The following SDK1 variants were observed in gnomAD, a reference collection of about 807,000 sequenced individuals.
The protein encoded by SDK1 is sidekick cell adhesion molecule 1.
A neutral mutation model predicts 245.5 loss-of-function variants in SDK1; 157 were observed. The observed-to-expected ratio is 0.64, with a 90% confidence interval of 0.56 to 0.73. The LOEUF is 0.73. SDK1 is among the 30% of genes least tolerant of loss of function. The pLI, the probability that SDK1 is intolerant of heterozygous loss-of-function variation, is 0.00. For missense variants in SDK1, 3,583 were observed against 3,002.3 expected, an observed-to-expected ratio of 1.19 and a Z score of -4.52; for synonymous variants, 1,647 against 1,278.5, an observed-to-expected ratio of 1.29 and a Z score of -6.15.
intron 19 of SDK1, among the ~76,000 whole-genome samples, chr7:4,060,200 T>C (rs1779448184): frequency 6.6e-6 from 1 of 151,974 alleles, no homozygotes; most frequent in Non-Finnish European, 1.5e-5. Context: ...TTGAAACAAA[T>C]GAAAATTGAA....
intron 1 of SDK1, among the ~76,000 whole-genome samples, chr7:3,585,179 A>T (rs1470990275): frequency 6.6e-6 from 1 of 152,214 alleles, no homozygotes; most frequent in African/African-American, 2.4e-5. Flanking sequence ...CTGAGCAAAG[A>T]TAGACTCTGA....
chr7:3,965,597 C>T (rs189219221), intron 9 of SDK1, among the ~76,000 whole-genome samples: 81 of 152,222 alleles, frequency 5.3e-4, no homozygotes, highest in Non-Finnish European at 8.7e-4. Flanking sequence ...GCATCTGTGT[C>T]GGGCACTCTG....
chr7:4,264,619 C>T (rs1373888837), intron 44 of SDK1, among the ~76,000 whole-genome samples: 4 of 148,408 alleles, frequency 2.7e-5, no homozygotes, highest in African/African-American at 9.9e-5. Flanking sequence ...TGAGGGAAGC[C>T]GTGTGGACCT....
chr7:3,506,130 A>G (rs1427686883), intron 1 of SDK1, among the ~76,000 whole-genome samples: 1 of 151,972 alleles, frequency 6.6e-6, no homozygotes, highest in Admixed American at 6.6e-5. Context: ...CTCTTTGCCA[A>G]AAGAACTTCT....
chr7:3,910,364 C>T (rs1006463490), intron 5 of SDK1, among the ~76,000 whole-genome samples: 3 of 152,214 alleles, frequency 2.0e-5, no homozygotes, highest in African/African-American at 7.2e-5. Flanking sequence ...TACAAAGACT[C>T]TCTGTGTTGG....
chr7:3,359,426 C>G (rs924756003), intron 1 of SDK1, among the ~76,000 whole-genome samples: 1 of 152,126 alleles, frequency 6.6e-6, no homozygotes, highest in African/African-American at 2.4e-5. Flanking sequence ...TGGCCAATAT[C>G]TTAGGGAAGG....
intron 4 of SDK1, among the ~76,000 whole-genome samples, chr7:3,816,447 A>G (rs866339860): frequency 6.7e-6 from 1 of 150,076 alleles, no homozygotes; most frequent in African/African-American, 2.5e-5. Context: ...ACAAACTACC[A>G]TCAGAGAATA....
chr7:4,105,845 G>A (rs571637542), intron 22 of SDK1, among the ~76,000 whole-genome samples: 25 of 152,188 alleles, frequency 1.6e-4, no homozygotes, highest in Non-Finnish European at 3.4e-4. Flanking sequence ...TCTGAGAGGG[G>A]GAAGAGTGGT....
At chr7:3,932,203 TC>T (rs1181250245) in intron 5 of SDK1, among the ~76,000 whole-genome samples, 1 of 152,122 alleles carries the variant, frequency 6.6e-6, no homozygotes, top group African/African-American at 2.4e-5. Context: ...CAGCAGTAGC[TC>T]CCCCCTCACT....
chr7:3,807,466 C>T (rs1346121396), intron 4 of SDK1, among the ~76,000 whole-genome samples: 6 of 152,158 alleles, frequency 3.9e-5, no homozygotes, highest in Admixed American at 1.3e-4. Flanking sequence ...CCCTGCATTT[C>T]GTCACCAGTT....
chr7:3,773,256 G>A, intron 4 of SDK1, among the ~76,000 whole-genome samples: 1 of 151,668 alleles, frequency 6.6e-6, no homozygotes, highest in East Asian at 1.9e-4. Context: ...TTCTATTCCT[G>A]AGAATATTTT....
chr7:3,757,706 G>A (rs1015236858), intron 4 of SDK1, among the ~76,000 whole-genome samples: 11 of 152,138 alleles, frequency 7.2e-5, no homozygotes, highest in African/African-American at 1.9e-4. Context: ...CCAACACCCC[G>A]GAGGCTCTTC....
chr7:3,931,070 C>T (rs1445528208), intron 5 of SDK1, among the ~76,000 whole-genome samples: 1 of 152,092 alleles, frequency 6.6e-6, no homozygotes, highest in Non-Finnish European at 1.5e-5. Context: ...AAAATGAAGA[C>T]ATTGGAGAGC....
chr7:3,543,427 A>C (rs1338433454), intron 1 of SDK1, among the ~76,000 whole-genome samples: 1 of 152,246 alleles, frequency 6.6e-6, no homozygotes, highest in Non-Finnish European at 1.5e-5. Flanking sequence ...ATGGCTCTTA[A>C]GACCAAATGG....
chr7:3,436,338 A>T (rs965367193), intron 1 of SDK1, among the ~76,000 whole-genome samples: 2 of 152,190 alleles, frequency 1.3e-5, no homozygotes, highest in Non-Finnish European at 2.9e-5. Context: ...AAAGTGTGCA[A>T]TATTGGTTTT....
At chr7:3,901,464 G>A (rs1298692809) in intron 5 of SDK1, among the ~76,000 whole-genome samples, 1 of 152,200 alleles carries the variant, frequency 6.6e-6, no homozygotes, top group East Asian at 1.9e-4. Flanking sequence ...GGGATTACAG[G>A]TATGAGCCAA....
intron 1 of SDK1, among the ~76,000 whole-genome samples, chr7:3,331,368 G>GT (rs1780065076): frequency 1.3e-5 from 2 of 152,272 alleles, no homozygotes; most frequent in Admixed American, 1.3e-4. Flanking sequence ...GTATTTTGTG[G>GT]TTTTTACTTG....
intron 1 of SDK1, among the ~76,000 whole-genome samples, chr7:3,516,590 G>A (rs1192946244): frequency 6.6e-6 from 1 of 151,986 alleles, no homozygotes; most frequent in Admixed American, 6.6e-5. Context: ...ACCTCTTAAG[G>A]AATTCATTTT....
At position 4,051,106 on chromosome 7, in the gene SDK1, ATATATG is replaced by A. The variant is rs943109909; in HGVS notation, c.2719-527_2719-522del. Among the ~76,000 whole-genome samples, 1,029 of 140,150 alleles carry A rather than the reference ATATATG, an allele frequency of 7.3e-3. 10 individuals carry two copies. Among genetic ancestry groups the A allele is most frequent in the African/African-American group, 0.026 (984 of 37,840 alleles). 91.9% of individuals were successfully genotyped at this position (140,150 alleles called of 152,430 possible). ...ATAGTATACTATATGTGTATATAAT[ATATATG>A]TATAATATATACATATTATATATAA... On this transcript the variant is annotated intron_variant, in intron 18 of 44. Transcript: ENST00000404826.
Sources: allele counts gnomAD v4.1 joint callset (sites outside exome capture counted in the v4.1 genomes callset), GRCh38; gene constraint gnomAD v4.1.1; transcripts MANE v1.5; gene names NCBI Gene and HGNC (gene_info 2026-07-23, HGNC 2026-07-21).